Variants in RANGAP1 observed in about 807,000 individuals in gnomAD.
RANGAP1 encodes ran GTPase-activating protein 1.
In RANGAP1, 38 loss-of-function variants were observed where a neutral mutation model predicts 63.5. The ratio of observed to expected loss-of-function variants is 0.60; its 90% CI spans 0.46 to 0.78. The LOEUF (loss-of-function observed/expected upper bound fraction) is 0.78, where lower values mean the gene tolerates loss of function less well. Ranked by LOEUF, RANGAP1 falls within the 30% of genes least tolerant of loss-of-function variation. The probability of loss-of-function intolerance (pLI) is 0.00; values close to 1 mark genes in which losing one functional copy is unlikely to be tolerated. For synonymous variants in RANGAP1, 329 were observed against 310.5 expected (o/e 1.06, Z -0.63); for missense variants, 630 against 740.3 (o/e 0.85, Z 1.73).
intron 4 of RANGAP1, among the ~76,000 whole-genome samples, chr22:41,266,867 G>T (rs936737163): frequency 2.1e-5 from 3 of 144,506 alleles, no homozygotes; most frequent in African/African-American, 7.7e-5. Context: ...TCTTTAACAT[G>T]CAATCACTGA....
intron 3 of RANGAP1, among the ~76,000 whole-genome samples, chr22:41,272,102 C>A (rs868372229): frequency 1.1e-4 from 16 of 152,212 alleles, no homozygotes; most frequent in Middle Eastern, 3.2e-3. Flanking sequence ...CAGGGCAAGG[C>A]CACGTACGGC....
At chr22:41,251,151 G>A in intron 12 of RANGAP1, 42 bp from the exon 13 acceptor site, 1 of 1,536,212 alleles carries the variant, frequency 6.5e-7, no homozygotes, top group Non-Finnish European at 9.0e-7. Context: ...GGCACGTGGT[G>A]GAGAGGTACC....
Position 41,246,494 on chromosome 22 carries a change from G to T in RANGAP1, c.*109C>A. On this transcript the variant is annotated 3_prime_UTR_variant, in exon 16 of 16. Coordinates refer to ENST00000356244, the MANE Select transcript of RANGAP1 (RefSeq NM_002883.4). ...GACACATGGGACACAGACCCGCCCT[G>T]CCTGTGGCCAGAGTCCTGTCCAAGG... is the stretch of plus-strand genomic sequence containing the variant. The T allele has an allele frequency of 8.1e-7, 1 of 1,241,312 alleles. No individual in the cohort carries two copies. Among genetic ancestry groups the T allele is most frequent in the Non-Finnish European group, 1.1e-6 (1 of 880,516 alleles). The allele number at this position is 1,241,312 out of a possible 1,614,324, so 76.9% of individuals were successfully genotyped here. A position where few individuals can be genotyped will look rare whatever the true frequency, so the allele number is the denominator to read the frequency against.
In RANGAP1 at chr22:41,257,898, G is replaced by A. The variant is rs199566876; in HGVS notation, c.774+50C>T. 5.7e-3 allele frequency: 8,851 copies of A among 1,541,220 alleles called. 43 individuals carry two copies. The highest frequency in any genetic ancestry group is 7.1e-3 in the Non-Finnish European group (8,055 of 1,136,292). On this transcript the variant is annotated intron_variant, in intron 7 of 15. Transcript: ENST00000356244. This position sits in a 1 kb window ranked among gnomAD's most constrained non-coding sequence, Gnocchi z 4.0. Reference sequence around the variant, plus strand: ...CCCCAGCTTCCCTGGAAAGACAGCAGCCAGCCTCTATCTGGCGGGGCCCAA... The same window carrying A: ...CCCCAGCTTCCCTGGAAAGACAGCAACCAGCCTCTATCTGGCGGGGCCCAA...
upstream of RANGAP1, among the ~76,000 whole-genome samples, chr22:41,289,002 A>C (rs983471055): frequency 1.1e-4 from 16 of 144,096 alleles, no homozygotes; most frequent in African/African-American, 4.2e-4. Context: ...AGCTCACTGC[A>C]ACCTCCGCCT....
chr22:41,257,937 A>C lies in RANGAP1; in HGVS notation c.774+11T>G. On this transcript the variant is annotated intron_variant, in intron 7 of 15. Coordinates refer to ENST00000356244, the MANE Select transcript of RANGAP1 (RefSeq NM_002883.4). The surrounding 1 kb of genome is among the most constrained non-coding windows in gnomAD (Gnocchi z 4.0). ...GGCGGGGCCCAACTGGCTCTGCCAC[A>C]CTCGCCTCACCTCGGCCATGGCCAC... 1.9e-6 allele frequency: 3 copies of C among 1,591,228 alleles called. No homozygotes were observed. The highest frequency in any genetic ancestry group is 2.6e-6 in the Non-Finnish European group (3 of 1,165,928).
chr22:41,281,561 C>T, intron 1 of RANGAP1: 1 of 988,772 alleles, frequency 1.0e-6, no homozygotes, highest in Non-Finnish European at 1.2e-6. Context: ...TGCCCCACCA[C>T]CCACGCTGGC....
chr22:41,255,174 G>A (rs1296962868), intron 10 of RANGAP1, among the ~76,000 whole-genome samples: 4 of 152,102 alleles, frequency 2.6e-5, no homozygotes, highest in Non-Finnish European at 5.9e-5. Context: ...ACAGGTGTGG[G>A]GGAGGAAGAA....
Position 41,264,648 on chromosome 22 carries a change from G to C in RANGAP1, c.480+16C>G, listed in dbSNP as rs2034361780. The C allele has an allele frequency of 6.2e-7, 1 of 1,605,484 alleles. No individual in the cohort carries two copies. Among genetic ancestry groups the C allele is most frequent in the Non-Finnish European group, 8.5e-7 (1 of 1,173,868 alleles). On this transcript the variant is annotated intron_variant, in intron 5 of 15. Transcript: ENST00000356244. Reference sequence around the variant, plus strand: ...TGGACCAGGGGACTCTGCGGGGAGGGGGCTGCCACACCCACCTTGCCGCCG... The same window carrying C: ...TGGACCAGGGGACTCTGCGGGGAGGCGGCTGCCACACCCACCTTGCCGCCG...
chr22:41,258,934 C>T (rs567069903), intron 6 of RANGAP1, among the ~76,000 whole-genome samples: 2 of 152,196 alleles, frequency 1.3e-5, no homozygotes, highest in African/African-American at 4.8e-5. Context: ...GGATTACAGA[C>T]GTGAGATACC....
chr22:41,257,806 G>A lies in RANGAP1; in HGVS notation c.774+142C>T. On this transcript the variant is annotated intron_variant, in intron 7 of 15. Transcript: ENST00000356244. This position sits in a 1 kb window ranked among gnomAD's most constrained non-coding sequence, Gnocchi z 4.0. ...CAACCCTGTTCAGGACATGTTCAAA[G>A]AGCTGGAGCCATGGGGCACACACCC... 9.5e-7 allele frequency: 1 copy of A among 1,052,432 alleles called. No homozygotes were observed. Among genetic ancestry groups the A allele is most frequent in the South Asian group, 1.8e-5 (1 of 56,056 alleles). 65.2% of individuals were successfully genotyped at this position (1,052,432 alleles called of 1,614,324 possible). A position where few individuals can be genotyped will look rare whatever the true frequency, so the allele number is the denominator to read the frequency against.
chr22:41,254,186 C>CA (rs1206818249), intron 11 of RANGAP1, 122 bp downstream of exon 11: 159 of 991,006 alleles, frequency 1.6e-4, no homozygotes, highest in Non-Finnish European at 1.9e-4. Flanking sequence ...ATCATGCAAT[C>CA]AAAAAAAAAT....
chr22:41,246,496 C>A lies in RANGAP1; in HGVS notation c.*107G>T. The A allele has an allele frequency of 7.9e-7, 1 of 1,270,010 alleles. No homozygotes were observed. Among genetic ancestry groups the A allele is most frequent in the Non-Finnish European group, 1.1e-6 (1 of 905,728 alleles). 78.7% of individuals were successfully genotyped at this position (1,270,010 alleles called of 1,614,324 possible). On this transcript the variant is annotated 3_prime_UTR_variant, in exon 16 of 16. Transcript: ENST00000356244. ...CACATGGGACACAGACCCGCCCTGC[C>A]TGTGGCCAGAGTCCTGTCCAAGGCA...
At chr22:41,249,705 G>A in intron 14 of RANGAP1, 24 bp downstream of exon 14, 3 of 1,597,790 alleles carry the variant, frequency 1.9e-6, no homozygotes, top group Non-Finnish European at 2.6e-6. Flanking sequence ...TCCCTCCCGG[G>A]CCTGCTGTTC....
In RANGAP1 at chr22:41,256,029, C is replaced by T. The variant is rs760201853; in HGVS notation, c.1065G>A (p.Ala355=). 6.8e-6 allele frequency: 11 copies of T among 1,613,410 alleles called. No homozygotes were observed. The highest frequency in any genetic ancestry group is 5.0e-5 in the Admixed American group (3 of 60,000). Reference sequence around the variant, plus strand: ...CACCCCGAGTTCCCTACCTGAGGGACGCCAGCACCTTGGCCATGTTGAAGC... The same window carrying T: ...CACCCCGAGTTCCCTACCTGAGGGATGCCAGCACCTTGGCCATGTTGAAGC... The part of the protein sequence containing the change: ...LEGFNMAKVL[A]SLSDDEDEEE... Residue 355 remains alanine, a synonymous_variant, in exon 10 of 16, where the codon GCG becomes GCA. Transcript: ENST00000356244.
intron 3 of RANGAP1, among the ~76,000 whole-genome samples, chr22:41,272,977 T>C (rs2034925976): frequency 1.3e-5 from 2 of 152,226 alleles, no homozygotes; most frequent in South Asian, 2.1e-4. Flanking sequence ...CATGCCGGGC[T>C]AATTTTTGTA....
chr22:41,259,729 G>A (rs865859108), intron 6 of RANGAP1, among the ~76,000 whole-genome samples: 22 of 152,300 alleles, frequency 1.4e-4, no homozygotes, highest in African/African-American at 4.1e-4. Context: ...TAAGCTGGGC[G>A]CAGTGGCTTA....
the RANGAP1 span, among the ~76,000 whole-genome samples, chr22:41,291,316 G>A: frequency 2.0e-5 from 3 of 152,112 alleles, no homozygotes; most frequent in African/African-American, 4.8e-5. Context: ...TTCCTTCATC[G>A]GCTGGGTGCG....
At chr22:41,274,454 C>G (rs2035021424) in intron 3 of RANGAP1, 146 bp downstream of exon 3, 1 of 1,235,858 alleles carries the variant, frequency 8.1e-7, no homozygotes, top group African/African-American at 1.5e-5. Flanking sequence ...GCTGTGTGCC[C>G]TGGGGAGGCC....
Sources: allele counts gnomAD v4.1 joint callset (sites outside exome capture counted in the v4.1 genomes callset), GRCh38; gene constraint gnomAD v4.1.1; non-coding constraint Gnocchi (gnomAD v3.1); transcripts MANE v1.5; gene names NCBI Gene and HGNC (gene_info 2026-07-23, HGNC 2026-07-21).